PCDH7: variants seen among roughly 807,000 people sequenced by gnomAD.
PCDH7 encodes protocadherin 7, also known as protocadherin-7.
Under a neutral mutation model 58.9 loss-of-function variants are expected in PCDH7, and 17 were observed. That is an observed-to-expected ratio of 0.29 (90% CI 0.20 to 0.43). The LOEUF (loss-of-function observed/expected upper bound fraction) is 0.43, where lower values mean the gene tolerates loss of function less well. Ranked by LOEUF, PCDH7 falls within the 20% of genes least tolerant of loss-of-function variation. The probability of loss-of-function intolerance (pLI) is 1.00; values close to 1 mark genes in which losing one functional copy is unlikely to be tolerated. For missense variants in PCDH7, 1,274 were observed against 1,441.0 expected (o/e 0.88, Z 1.88); for synonymous variants, 664 against 616.4 (o/e 1.08, Z -1.14).
chr4:30,921,595 T>C (rs1487760072), intron 2 of PCDH7, among the ~76,000 whole-genome samples: 3 of 152,130 alleles, frequency 2.0e-5, no homozygotes, highest in African/African-American at 7.2e-5. Context: ...CAGGGTCTGA[T>C]GATTGACGTC....
At chr4:31,091,536 A>C (rs1265016243) in intron 3 of PCDH7, among the ~76,000 whole-genome samples, 1 of 151,872 alleles carries the variant, frequency 6.6e-6, no homozygotes, top group Non-Finnish European at 1.5e-5. Context: ...CTGGATTTAC[A>C]GTGATTTTTC....
intron 3 of PCDH7, among the ~76,000 whole-genome samples, chr4:31,004,997 TA>T (rs1752657853): frequency 6.6e-6 from 1 of 152,120 alleles, no homozygotes; most frequent in South Asian, 2.1e-4. Flanking sequence ...CTCAAATCTT[TA>T]TTGGTGAATT....
intron 3 of PCDH7, among the ~76,000 whole-genome samples, chr4:30,951,653 C>T (rs1001620387): frequency 6.6e-6 from 1 of 152,098 alleles, no homozygotes; most frequent in African/African-American, 2.4e-5. Flanking sequence ...TTTGTATGGG[C>T]ACAATGTTAA....
chr4:30,749,737 A>G (rs908277096), intron 1 of PCDH7, among the ~76,000 whole-genome samples: 1 of 152,210 alleles, frequency 6.6e-6, no homozygotes, highest in African/African-American at 2.4e-5. Context: ...AATCCTGATG[A>G]TAAAACACGG....
At chr4:31,143,191 G>T (rs1720461383), downstream of PCDH7, 1 of 182,576 alleles carries the variant, frequency 5.5e-6, no homozygotes, top group African/African-American at 2.4e-5. Context: ...TACGAAGCCT[G>T]ATTAGCAGAA....
intron 3 of PCDH7, among the ~76,000 whole-genome samples, chr4:31,051,667 A>T (rs1415719445): frequency 2.0e-5 from 3 of 152,144 alleles, no homozygotes; most frequent in Admixed American, 6.6e-5. Flanking sequence ...AGTAAATCAC[A>T]TGTTTATAAT....
intron 3 of PCDH7, among the ~76,000 whole-genome samples, chr4:31,121,977 A>G (rs899130077): frequency 6.6e-6 from 1 of 152,108 alleles, no homozygotes; most frequent in African/African-American, 2.4e-5. Context: ...TTACATCTGA[A>G]TCACAATGTA....
chr4:30,848,702 T>C (rs769373837), intron 1 of PCDH7, among the ~76,000 whole-genome samples: 1 of 152,136 alleles, frequency 6.6e-6, no homozygotes. Flanking sequence ...TAAGACAGCA[T>C]AGTTAAGAAT....
chr4:30,796,403 T>A (rs1724778251), intron 1 of PCDH7, among the ~76,000 whole-genome samples: 1 of 152,180 alleles, frequency 6.6e-6, no homozygotes, highest in African/African-American at 2.4e-5. Flanking sequence ...CTAGTAATAT[T>A]GTATCGTGGA....
chr4:30,957,683 C>T (rs1201949807), intron 3 of PCDH7, among the ~76,000 whole-genome samples: 2 of 152,120 alleles, frequency 1.3e-5, no homozygotes, highest in African/African-American at 4.8e-5. Context: ...TATATCTGAA[C>T]TAGTTCTCAA....
At chr4:30,968,340 C>CACACTATATA (rs1560541376) in intron 3 of PCDH7, among the ~76,000 whole-genome samples, 1 of 83,478 alleles carries the variant, frequency 1.2e-5, no homozygotes, top group African/African-American at 6.0e-5. Context: ...TATACACACA[C>CACACTATATA]TATATATATA....
chr4:31,020,434 A>G (rs1753935097), intron 3 of PCDH7, among the ~76,000 whole-genome samples: 1 of 152,188 alleles, frequency 6.6e-6, no homozygotes, highest in South Asian at 2.1e-4. Flanking sequence ...TGTGTCTGAT[A>G]TGAGTACTTA....
At position 30,768,325 on chromosome 4, in the gene PCDH7, C is replaced by CCAAGTAGTATGCATACATCTTG. The variant is rs1560349468; in HGVS notation, c.70+43741_70+43742insATACATCTTGCAAGTAGTATGC. ...CTTCCAAGTAGTATGCATACATCTT[C>CCAAGTAGTATGCATACATCTTG]CAAGTAGTATGCTTTCACTTGCTTA... On this transcript the variant is annotated intron_variant, in intron 1 of 3. Transcript: ENST00000509759. Among the ~76,000 whole-genome samples the CCAAGTAGTATGCATACATCTTG allele has an allele frequency of 5.9e-5, 9 of 152,334 alleles. 1 individual carries two copies. Among genetic ancestry groups the CCAAGTAGTATGCATACATCTTG allele is most frequent in the Non-Finnish European group, 1.2e-4 (8 of 68,030 alleles).
intron 1 of PCDH7, among the ~76,000 whole-genome samples, chr4:30,825,827 G>C (rs1195252724): frequency 6.6e-6 from 1 of 152,100 alleles, no homozygotes; most frequent in South Asian, 2.1e-4. Context: ...GTCAGACTAG[G>C]CCAAGCATTG....
intron 3 of PCDH7, among the ~76,000 whole-genome samples, chr4:30,978,775 A>G (rs1750294605): frequency 6.6e-6 from 1 of 152,164 alleles, no homozygotes; most frequent in Admixed American, 6.5e-5. Context: ...TACATCAACT[A>G]TTAATTAATG....
intron 3 of PCDH7, among the ~76,000 whole-genome samples, chr4:30,954,540 C>T (rs56973195): frequency 0.015 from 2,329 of 152,128 alleles, 51 homozygotes; most frequent in African/African-American, 0.052. Flanking sequence ...GATTCTTAGG[C>T]CATATTCTTA....
chr4:31,065,292 T>C (rs1757989097), intron 3 of PCDH7, among the ~76,000 whole-genome samples: 1 of 151,966 alleles, frequency 6.6e-6, no homozygotes, highest in Non-Finnish European at 1.5e-5. Context: ...GGAGAGCAAT[T>C]CTTCGGTGAG....
intron 3 of PCDH7, among the ~76,000 whole-genome samples, chr4:31,016,843 G>T (rs1294548918): frequency 6.7e-6 from 1 of 150,256 alleles, no homozygotes; most frequent in African/African-American, 2.4e-5. Context: ...TGTGCTGGGT[G>T]TGTGTGCTGG....
intron 3 of PCDH7, among the ~76,000 whole-genome samples, chr4:31,111,455 C>T (rs61794133): frequency 0.03 from 4,598 of 152,046 alleles, 166 homozygotes; most frequent in East Asian, 0.18. Context: ...ATTACAAGCG[C>T]CCGCAACCAC....
Sources: gnomAD v4.1 joint callset for allele counts (sites outside exome capture counted in the v4.1 genomes callset) on GRCh38, gnomAD v4.1.1 for gene constraint, MANE v1.5 for transcripts, NCBI Gene and HGNC (gene_info 2026-07-23, HGNC 2026-07-21) for gene names.